Variants in GALNS observed in about 807,000 individuals in gnomAD.
The protein encoded by GALNS is galactosamine (N-acetyl)-6-sulfatase, also known as N-acetylgalactosamine-6-sulfatase.
Under a neutral mutation model 65.9 loss-of-function variants are expected in GALNS, and 65 were observed. That is an observed-to-expected ratio of 0.99 (90% CI 0.81 to 1.21). GALNS has a LOEUF of 1.21. GALNS is among the 50% of genes most tolerant of loss of function. The probability of loss-of-function intolerance (pLI) is 0.00; values close to 1 mark genes in which losing one functional copy is unlikely to be tolerated. For missense variants in GALNS, 776 were observed against 700.7 expected, an observed-to-expected ratio of 1.11 and a Z score of -1.21; for synonymous variants, 346 against 288.9, an observed-to-expected ratio of 1.20 and a Z score of -2.00.
chr16:88,836,969 T>C (rs1912205146), intron 5 of GALNS, among the ~76,000 whole-genome samples: 1 of 152,206 alleles, frequency 6.6e-6, no homozygotes, highest in Non-Finnish European at 1.5e-5. Flanking sequence ...AACTGCACAC[T>C]TCAAATGGGG....
intron 8 of GALNS, among the ~76,000 whole-genome samples, chr16:88,832,370 G>T (rs1242622646): frequency 6.6e-6 from 1 of 152,196 alleles, no homozygotes; most frequent in African/African-American, 2.4e-5. Context: ...ACTCAGAGAG[G>T]TACACTCCCG....
chr16:88,844,889 G>C (rs546068998), intron 1 of GALNS: 3 of 152,266 alleles, frequency 2.0e-5, no homozygotes, highest in Non-Finnish European at 4.4e-5. Context: ...CCTCAGCCCT[G>C]CCACAAGCCA....
intron 8 of GALNS, among the ~76,000 whole-genome samples, chr16:88,834,312 C>G (rs1911836600): frequency 6.9e-6 from 1 of 145,884 alleles, no homozygotes; most frequent in African/African-American, 2.5e-5. Flanking sequence ...TGGGACGAGG[C>G]TGTAGGGCTC....
chr16:88,822,119 G>A (rs1203697140), intron 12 of GALNS, among the ~76,000 whole-genome samples: 2 of 152,198 alleles, frequency 1.3e-5, no homozygotes, highest in Non-Finnish European at 2.9e-5. Flanking sequence ...TGAGGGTAAG[G>A]GGAGGGCTTC....
chr16:88,843,439 C>T (rs1967083775), intron 1 of GALNS: 4 of 350,974 alleles, frequency 1.1e-5, no homozygotes, highest in East Asian at 1.5e-4. Flanking sequence ...GAGCGCCCAT[C>T]GGCAGACGAC....
At chr16:88,827,815 C>A (rs117737380) in intron 9 of GALNS, among the ~76,000 whole-genome samples, 1 of 152,206 alleles carries the variant, frequency 6.6e-6, no homozygotes, top group Non-Finnish European at 1.5e-5. Flanking sequence ...TGGAGAGACA[C>A]CCCTGCCTGG....
chr16:88,854,651 G>A (rs1227814216), intron 1 of GALNS, among the ~76,000 whole-genome samples: 4 of 152,226 alleles, frequency 2.6e-5, no homozygotes, highest in African/African-American at 9.6e-5. Context: ...CTCCCACTGG[G>A]TCTGCTGACT....
At chr16:88,854,939 G>A (rs1244200057) in intron 1 of GALNS, among the ~76,000 whole-genome samples, 1 of 152,224 alleles carries the variant, frequency 6.6e-6, no homozygotes, top group Admixed American at 6.5e-5. Context: ...ACACAGTGGA[G>A]GCCACAGAAC....
chr16:88,835,132 C>A, intron 8 of GALNS, 81 bp downstream of exon 8: 1 of 1,521,966 alleles, frequency 6.6e-7, no homozygotes, highest in East Asian at 2.5e-5. Flanking sequence ...ACCACAGACC[C>A]CGTGGGCACA....
At chr16:88,824,894 T>G in intron 10 of GALNS, 25 bp from the exon 11 acceptor site, 1 of 1,604,164 alleles carries the variant, frequency 6.2e-7, no homozygotes, top group African/African-American at 1.3e-5. Context: ...GGGAGGACCA[T>G]GTAATGACAG....
chr16:88,855,312 T>A, intron 1 of GALNS: 1 of 700,298 alleles, frequency 1.4e-6, no homozygotes, highest in South Asian at 1.5e-5. Flanking sequence ...AGCGAAGCTA[T>A]GCTGGCCCAG....
At chr16:88,826,274 G>T (rs1597546153) in intron 10 of GALNS, among the ~76,000 whole-genome samples, 1 of 149,584 alleles carries the variant, frequency 6.7e-6, no homozygotes. Context: ...CCGGGCTGCA[G>T]GCAGGGAACA....
intron 4 of GALNS, chr16:88,838,016 T>G (rs906856820): frequency 4.0e-6 from 2 of 504,220 alleles, no homozygotes; most frequent in East Asian, 3.5e-5. Context: ...GCGGCCGGGG[T>G]TCCCTGCACG....
At position 88,835,313 on chromosome 16, in the gene GALNS, C is replaced by T. The variant is rs1257327029; in HGVS notation, c.798G>A (p.Gly266=). The change falls in exon 8 of 14, where the codon GGG becomes GGA. Residue 266 remains glycine (G), a synonymous_variant. Coordinates refer to ENST00000268695, the MANE Select transcript of GALNS (RefSeq NM_000512.5). ...GGTCTTGGAGGAGCTCCAGTATCTT[C>T]CCAATGCTGTCATCAATCTCCCGGA... is the stretch of plus-strand genomic sequence containing the variant. ...DAVREIDDSI[G]KILELLQDLH... is the part of the protein sequence containing the mutation. 2 of 1,613,678 alleles carry T rather than the reference C, an allele frequency of 1.2e-6. No individual in the cohort carries two copies. Among genetic ancestry groups the T allele is most frequent in the Non-Finnish European group, 1.7e-6 (2 of 1,179,882 alleles).
At chr16:88,832,355 G>C (rs1004127111) in intron 8 of GALNS, among the ~76,000 whole-genome samples, 2 of 152,222 alleles carry the variant, frequency 1.3e-5, no homozygotes, top group Non-Finnish European at 2.9e-5. Context: ...TACGGTGTCA[G>C]CAAGACTCAG....
rs1477964076 is a variant in GALNS, at chr16:88,841,097, G to A, written c.320-3C>T. 2 of 1,612,130 alleles carry A rather than the reference G, an allele frequency of 1.2e-6. No homozygotes were observed. Among genetic ancestry groups the A allele is most frequent in the Admixed American group, 3.3e-5 (2 of 60,020 alleles). On this transcript the variant is annotated splice_region_variant and splice_polypyrimidine_tract_variant and intron_variant, in intron 3 of 13. Coordinates refer to ENST00000268695, the MANE Select transcript of GALNS (RefSeq NM_000512.5). Reference sequence around the variant, plus strand: ...CACAATCTCCTGCGGTGTGTAGGCTGGAAGAGCAGCGCTGGGTGAGCCCCG... The same window carrying A: ...CACAATCTCCTGCGGTGTGTAGGCTAGAAGAGCAGCGCTGGGTGAGCCCCG...
intron 13 of GALNS, chr16:88,816,070 G>C (rs577111827): frequency 3.0e-6 from 3 of 985,320 alleles, no homozygotes; most frequent in Non-Finnish European, 3.6e-6. Context: ...CTCTGCTCAC[G>C]GTGGCATCTG....
intron 13 of GALNS, among the ~76,000 whole-genome samples, chr16:88,817,592 G>C (rs1909761505): frequency 6.6e-6 from 1 of 152,220 alleles, no homozygotes; most frequent in Non-Finnish European, 1.5e-5. Context: ...TCAGAGCCCG[G>C]GAGTTTGGAG....
chr16:88,843,785 T>C (rs1000818021), intron 1 of GALNS: 30 of 155,736 alleles, frequency 1.9e-4, no homozygotes, highest in African/African-American at 6.8e-4. Flanking sequence ...ACGTGTTATG[T>C]CTCAGGAAAC....
Sources: allele counts gnomAD v4.1 joint callset (sites outside exome capture counted in the v4.1 genomes callset), GRCh38; gene constraint gnomAD v4.1.1; transcripts MANE v1.5; gene names NCBI Gene and HGNC (gene_info 2026-07-23, HGNC 2026-07-21).